SYNJ1: variants seen among roughly 807,000 people sequenced by gnomAD.
SYNJ1 encodes synaptojanin 1.
Under a neutral mutation model 168.2 loss-of-function variants are expected in SYNJ1, and 78 were observed. The observed-to-expected ratio is 0.46, with a 90% confidence interval of 0.39 to 0.56. SYNJ1 has a LOEUF of 0.56. Among genes scored for constraint, SYNJ1 ranks in the 20% least tolerant of loss-of-function variants. The pLI, the probability that SYNJ1 is intolerant of heterozygous loss-of-function variation, is 0.00. For missense variants in SYNJ1, 1,303 were observed against 1,597.6 expected, an observed-to-expected ratio of 0.82 and a Z score of 3.14; for synonymous variants, 539 against 548.6, an observed-to-expected ratio of 0.98 and a Z score of 0.24.
chr21:32,681,215 A>G (rs975732464), intron 11 of SYNJ1, among the ~76,000 whole-genome samples: 5 of 152,222 alleles, frequency 3.3e-5, no homozygotes, highest in Admixed American at 6.5e-5. Context: ...GAAATCATGA[A>G]AAAAAGAGCA....
Position 32,630,758 on chromosome 21 carries a change from C to T in SYNJ1, c.*1047G>A, listed in dbSNP as rs1459458295. The T allele has an allele frequency of 2.5e-6, 1 of 406,400 alleles. No homozygotes were observed. The highest frequency in any genetic ancestry group is 4.4e-6 in the Non-Finnish European group (1 of 228,206). 25.2% of individuals were successfully genotyped at this position (406,400 alleles called of 1,614,324 possible). Reference sequence around the variant, plus strand: ...AAAGTATAAGTACTTTTTATGGCTACTACTGTCTCCTATTCATCCAAAGAG... The same window carrying T: ...AAAGTATAAGTACTTTTTATGGCTATTACTGTCTCCTATTCATCCAAAGAG... On this transcript the variant is annotated 3_prime_UTR_variant, in exon 33 of 33. Transcript: ENST00000674351.
chr21:32,640,215 A>C (rs543632175), intron 29 of SYNJ1, among the ~76,000 whole-genome samples: 10 of 152,212 alleles, frequency 6.6e-5, no homozygotes, highest in African/African-American at 2.4e-4. Context: ...AACTGGGATG[A>C]TTTTAAAATA....
intron 11 of SYNJ1, among the ~76,000 whole-genome samples, chr21:32,680,988 C>T (rs886881155): frequency 5.9e-5 from 9 of 152,114 alleles, no homozygotes; most frequent in African/African-American, 2.2e-4. Context: ...ATCAATTATG[C>T]CCTAATCTTG....
Position 32,650,284 on chromosome 21 carries a change from T to C in SYNJ1, c.2937A>G (p.Glu979=), listed in dbSNP as rs574473408. The C allele has an allele frequency of 7.9e-5, 128 of 1,614,100 alleles. 1 individual carries two copies. The South Asian group carries it at 1.3e-3, about 17-fold the overall frequency. Reference sequence around the variant, plus strand: ...TGCTAATTTTCTCTAAACTCATTTCTTCTTCCAAATTTTTGATCCAGTCTG... The same window carrying C: ...TGCTAATTTTCTCTAAACTCATTTCCTCTTCCAAATTTTTGATCCAGTCTG... ...KSPDWIKNLE[E]EMSLEKISIA... The change falls in exon 23 of 33, where the codon GAA becomes GAG. Residue 979 remains glutamate, a synonymous_variant. Transcript: ENST00000674351.
chr21:32,650,002 A>G (rs904904641), intron 23 of SYNJ1, among the ~76,000 whole-genome samples, 182 bp downstream of exon 23: 1 of 152,178 alleles, frequency 6.6e-6, no homozygotes, highest in African/African-American at 2.4e-5. Context: ...CACCCTCCTC[A>G]GCCTCCCAAA....
chr21:32,653,419 C>T, intron 21 of SYNJ1, 53 bp from the exon 22 acceptor site: 1 of 1,332,290 alleles, frequency 7.5e-7, no homozygotes, highest in Admixed American at 1.7e-5. Context: ...ATAACAAGCT[C>T]AGTGACTACT....
intron 7 of SYNJ1, 53 bp downstream of exon 7, chr21:32,688,253 T>C (rs1185325586): frequency 1.3e-6 from 2 of 1,541,168 alleles, no homozygotes; most frequent in Non-Finnish European, 1.8e-6. Context: ...ATACAAGCAG[T>C]CCCACTGCTT....
At position 32,632,878 on chromosome 21, in the gene SYNJ1, G is replaced by C. The variant is rs536953444; in HGVS notation, c.*4-1077C>G. On this transcript the variant is annotated intron_variant, in intron 32 of 32. Coordinates refer to ENST00000674351, the MANE Select transcript of SYNJ1 (RefSeq NM_203446.3). ...TACTAAAAATACAAAAAATTAGCTG[G>C]GCATGGTGGTGCGCGCCTATAATCC... Among the ~76,000 whole-genome samples the C allele has an allele frequency of 3.2e-4, 48 of 152,130 alleles. 1 individual carries two copies. The East Asian group carries it at 9.1e-3, about 29-fold the overall frequency.
intron 2 of SYNJ1, among the ~76,000 whole-genome samples, chr21:32,714,458 T>C (rs115023991): frequency 2.1e-4 from 32 of 152,220 alleles, no homozygotes; most frequent in African/African-American, 7.5e-4. Flanking sequence ...GAGACAACAG[T>C]GTCTTGATTG....
intron 22 of SYNJ1, 38 bp downstream of exon 22, chr21:32,653,250 A>G (rs376047993): frequency 6.6e-7 from 1 of 1,507,016 alleles, no homozygotes; most frequent in African/African-American, 1.4e-5. Flanking sequence ...CAGACATTTA[A>G]TTTCAGAATG....
intron 15 of SYNJ1, among the ~76,000 whole-genome samples, chr21:32,666,842 T>C (rs920868394): frequency 6.6e-6 from 1 of 152,186 alleles, no homozygotes; most frequent in Non-Finnish European, 1.5e-5. Flanking sequence ...CTTATACATT[T>C]TACTTTTTCC....
chr21:32,685,054 C>T (rs1248884437), intron 9 of SYNJ1, among the ~76,000 whole-genome samples: 3 of 151,158 alleles, frequency 2.0e-5, no homozygotes, highest in South Asian at 2.1e-4. Flanking sequence ...TGGTGGCGGG[C>T]GCTTGTAGTC....
At chr21:32,704,884 T>C (rs561991764) in intron 2 of SYNJ1, among the ~76,000 whole-genome samples, 1 of 152,162 alleles carries the variant, frequency 6.6e-6, no homozygotes, top group South Asian at 2.1e-4. Flanking sequence ...GTATGGTGGC[T>C]CACGTCTGTA....
At chr21:32,713,130 A>G (rs1201242635) in intron 2 of SYNJ1, among the ~76,000 whole-genome samples, 3 of 152,084 alleles carry the variant, frequency 2.0e-5, no homozygotes, top group Non-Finnish European at 4.4e-5. Context: ...ATGATTTCCC[A>G]TATGTCAACA....
chr21:32,709,660 G>C (rs1230897171), intron 2 of SYNJ1, among the ~76,000 whole-genome samples: 1 of 151,322 alleles, frequency 6.6e-6, no homozygotes. Flanking sequence ...TGGGATTACA[G>C]GTGCCCACCA....
In SYNJ1 at chr21:32,645,654, G is replaced by C. The variant is rs780343466; in HGVS notation, c.3383C>G (p.Pro1128Arg). Residue 1128 changes from proline to arginine, a missense_variant, in exon 25 of 33, where the codon CCG becomes CGG. This residue lies in a region of SYNJ1 where 383 missense variants were observed against 388.8 expected (regional missense o/e 0.99). Transcript: ENST00000674351. ...TRPAPPQRPP[P>R]PSGARSPAPT... is the part of the protein sequence containing the mutation. Reference sequence around the variant, plus strand: ...AAATAAAAGGTTGTCACCTGAAGGCGGAGGAGGTCTCTGTGGGGGAGCCGG... The same window carrying C: ...AAATAAAAGGTTGTCACCTGAAGGCCGAGGAGGTCTCTGTGGGGGAGCCGG... 1.3e-6 allele frequency: 2 copies of C among 1,530,896 alleles called. No individual in the cohort carries two copies. Among genetic ancestry groups the C allele is most frequent in the Non-Finnish European group, 1.7e-6 (2 of 1,145,486 alleles). 94.8% of individuals were successfully genotyped at this position (1,530,896 alleles called of 1,614,324 possible).
At chr21:32,643,844 T>C (rs2145760077) in intron 26 of SYNJ1, among the ~76,000 whole-genome samples, 1 of 152,350 alleles carries the variant, frequency 6.6e-6, no homozygotes, top group South Asian at 2.1e-4. Context: ...TCTATGAGAC[T>C]ACGTAAGTCT....
intron 2 of SYNJ1, among the ~76,000 whole-genome samples, chr21:32,707,264 TAA>T (rs1175246352): frequency 6.6e-6 from 1 of 150,814 alleles, no homozygotes; most frequent in Admixed American, 6.6e-5. Flanking sequence ...CAACAGAAAC[TAA>T]GTCTTATTTC....
chr21:32,728,037 G>T, upstream of SYNJ1: 5 of 1,531,658 alleles, frequency 3.3e-6, no homozygotes, highest in Non-Finnish European at 4.4e-6. Context: ...CATCTCTTCC[G>T]CATTGCGCCG....
Sources: allele counts gnomAD v4.1 joint callset (sites outside exome capture counted in the v4.1 genomes callset), GRCh38; gene constraint gnomAD v4.1.1; regional missense constraint gnomAD v4.1.1; transcripts MANE v1.5; gene names NCBI Gene and HGNC (gene_info 2026-07-23, HGNC 2026-07-21).